Variants in APOLD1 observed in about 807,000 individuals in gnomAD.
The protein encoded by APOLD1 is apolipoprotein L domain containing 1.
APOLD1 carries 22 observed loss-of-function variants against 15.3 expected under a neutral mutation model. That is an observed-to-expected ratio of 1.44 (90% CI 1.03 to 2.05). The LOEUF (loss-of-function observed/expected upper bound fraction) is 2.05. Ranked by LOEUF, APOLD1 falls within the 30% of genes most tolerant of loss-of-function variation. The pLI, the probability that APOLD1 is intolerant of heterozygous loss-of-function variation, is 0.00. For missense variants in APOLD1, 394 were observed against 353.5 expected (o/e 1.11, Z -0.92); for synonymous variants, 190 against 167.4 (o/e 1.13, Z -1.04).
At position 12,790,875 on chromosome 12, in the gene APOLD1, G is replaced by A. The variant is rs1340157296; in HGVS notation, c.*3223G>A. 6.6e-6 allele frequency: 1 copy of A among 152,108 alleles called. No individual in the cohort carries two copies. Among genetic ancestry groups the A allele is most frequent in the African/African-American group, 2.4e-5 (1 of 41,394 alleles). 9.4% of individuals were successfully genotyped at this position (152,108 alleles called of 1,614,324 possible). On this transcript the variant is annotated 3_prime_UTR_variant, in exon 2 of 2. Transcript: ENST00000356591. ...GATGTGAATAAGGCTTTTCCTTAAG[G>A]CCTTCATTCTTTAAACAAACAGGTT...
At chr12:12,782,292 A>C (rs542882805), upstream of APOLD1, among the ~76,000 whole-genome samples, 51 of 101,188 alleles carry the variant, frequency 5.0e-4, no homozygotes, top group South Asian at 0.016. Context: ...CAAACAAACA[A>C]ACACTACCAG....
At chr12:12,744,368 G>A (rs1946750284) in intron 1 of APOLD1, among the ~76,000 whole-genome samples, 1 of 151,746 alleles carries the variant, frequency 6.6e-6, no homozygotes, top group Admixed American at 6.6e-5. Context: ...CAGCACTGTG[G>A]GCGGCTGAGG....
intron 1 of APOLD1, among the ~76,000 whole-genome samples, chr12:12,780,143 C>A (rs762143218): frequency 6.6e-6 from 1 of 151,968 alleles, no homozygotes; most frequent in Non-Finnish European, 1.5e-5. Context: ...ATTCAACAAG[C>A]AACTATGAGA....
upstream of APOLD1, among the ~76,000 whole-genome samples, chr12:12,781,237 G>A (rs1331529905): frequency 6.6e-6 from 1 of 152,106 alleles, no homozygotes; most frequent in Non-Finnish European, 1.5e-5. Flanking sequence ...GAGGTCAGGA[G>A]TTCAAGACCA....
At chr12:12,756,206 T>C (rs58179318) in intron 1 of APOLD1, among the ~76,000 whole-genome samples, 2,598 of 152,334 alleles carry the variant, frequency 0.017, 72 homozygotes, top group African/African-American at 0.057. Context: ...TGGTTTATGT[T>C]GTTGTGTTTT....
chr12:12,730,764 G>A (rs994059768), intron 1 of APOLD1, among the ~76,000 whole-genome samples: 1 of 148,426 alleles, frequency 6.7e-6, no homozygotes, highest in Non-Finnish European at 1.5e-5. Context: ...CTCTCATAGG[G>A]TATTAAAAGT....
At chr12:12,785,557 G>T, upstream of APOLD1, 1 of 1,530,810 alleles carries the variant, frequency 6.5e-7, no homozygotes, top group South Asian at 1.2e-5. Context: ...GGCAGCAGGG[G>T]TCATGACAGG....
upstream of APOLD1, among the ~76,000 whole-genome samples, chr12:12,783,624 T>C (rs1947102244): frequency 7.4e-6 from 1 of 135,520 alleles, no homozygotes; most frequent in Non-Finnish European, 1.6e-5. Flanking sequence ...CAGTTGGTTT[T>C]TTTTTGTTTT....
chr12:12,729,780 T>G (rs1361114425), intron 1 of APOLD1, among the ~76,000 whole-genome samples: 2 of 151,536 alleles, frequency 1.3e-5, no homozygotes, highest in East Asian at 3.8e-4. Flanking sequence ...ATAATAATAA[T>G]AATATAAAAA....
chr12:12,725,917 A>C (rs565013547), upstream of APOLD1: 1 of 1,144,566 alleles, frequency 8.7e-7, no homozygotes, highest in African/African-American at 1.6e-5. Context: ...TGCGGTTGAC[A>C]GTGTGCAGGC....
chr12:12,726,423 C>CT (rs1028354278), intron 1 of APOLD1: 182 of 364,194 alleles, frequency 5.0e-4, no homozygotes, highest in East Asian at 7.4e-4. Context: ...TTTAGGATGA[C>CT]TTTTTTTTTC....
intron 1 of APOLD1, among the ~76,000 whole-genome samples, chr12:12,765,955 T>G (rs1946940561): frequency 6.6e-6 from 1 of 152,100 alleles, no homozygotes; most frequent in Non-Finnish European, 1.5e-5. Flanking sequence ...GATCCTCTGT[T>G]GCAAAGATCA....
At chr12:12,725,954 G>T in exon 1 of APOLD1, 1 of 1,408,176 alleles carries the variant, frequency 7.1e-7, no homozygotes, top group South Asian at 1.5e-5. Context: ...GGCGGTCAGC[G>T]ATCTGCAGCT....
intron 1 of APOLD1, among the ~76,000 whole-genome samples, chr12:12,729,765 AAAT>A (rs1032488733): frequency 6.6e-5 from 10 of 151,518 alleles, no homozygotes; most frequent in Middle Eastern, 3.2e-3. Context: ...TAAAAAAATA[AAAT>A]AATAATAATA....
chr12:12,787,264 T>C lies in APOLD1; in HGVS notation c.359T>C (p.Val120Ala). ...TGCAACTCCCGGGAGCTGCGGAGGG[T>C]GCAGGAGATCGCGGCCACCTGCCAG... ...IFCNSRELRRVQEIAATCQDQ... is the reference protein window; with the variant it reads ...IFCNSRELRRAQEIAATCQDQ... Residue 120 changes from valine (V) to alanine (A), a missense_variant, in exon 2 of 2, where the codon GTG becomes GCG. By Grantham distance (64) the Val-to-Ala change is moderately conservative. Coordinates refer to ENST00000356591, the MANE Select transcript of APOLD1 (RefSeq NM_030817.3). The surrounding 1 kb of genome is among the most constrained non-coding windows in gnomAD (Gnocchi z 4.9). 1 of 1,594,426 alleles carries C rather than the reference T, an allele frequency of 6.3e-7. No homozygotes were observed. Among genetic ancestry groups the C allele is most frequent in the Non-Finnish European group, 8.5e-7 (1 of 1,172,486 alleles).
At chr12:12,731,486 A>T (rs1946641407) in intron 1 of APOLD1, among the ~76,000 whole-genome samples, 1 of 152,208 alleles carries the variant, frequency 6.6e-6, no homozygotes, top group South Asian at 2.1e-4. Flanking sequence ...ACATACACCC[A>T]CATACATATG....
intron 1 of APOLD1, among the ~76,000 whole-genome samples, 189 bp downstream of exon 1, chr12:12,785,883 AT>A (rs1947120050): frequency 6.6e-6 from 1 of 152,232 alleles, no homozygotes. Flanking sequence ...CTGATGTCTG[AT>A]GCAGGCAATT....
chr12:12,753,264 C>G (rs916063836), intron 1 of APOLD1, among the ~76,000 whole-genome samples: 1 of 152,126 alleles, frequency 6.6e-6, no homozygotes, highest in Non-Finnish European at 1.5e-5. Flanking sequence ...AAGATTAGGT[C>G]TTTTCAATAA....
chr12:12,729,869 C>T (rs528815960), intron 1 of APOLD1, among the ~76,000 whole-genome samples: 3 of 152,032 alleles, frequency 2.0e-5, no homozygotes, highest in African/African-American at 7.2e-5. Flanking sequence ...TATACAACTA[C>T]TGGGACATTT....
Sources: allele counts gnomAD v4.1 joint callset (sites outside exome capture counted in the v4.1 genomes callset), GRCh38; gene constraint gnomAD v4.1.1; non-coding constraint Gnocchi (gnomAD v3.1); transcripts MANE v1.5; gene names NCBI Gene and HGNC (gene_info 2026-07-23, HGNC 2026-07-21).